Variants in GLE1 observed in about 807,000 individuals in gnomAD.
GLE1 encodes GLE1 RNA export mediator.
Under a neutral mutation model 97.3 loss-of-function variants are expected in GLE1, and 78 were observed. That is an observed-to-expected ratio of 0.80 (90% CI 0.67 to 0.97). GLE1 has a LOEUF of 0.97. GLE1 is among the 50% of genes least tolerant of loss of function. GLE1 has a pLI of 0.00. For synonymous variants in GLE1, 302 were observed against 313.4 expected, an observed-to-expected ratio of 0.96 and a Z score of 0.39; for missense variants, 753 against 857.5, an observed-to-expected ratio of 0.88 and a Z score of 1.52.
In GLE1 at chr9:128,515,519, G is replaced by A; in HGVS notation, c.322-10G>A. On this transcript the variant is annotated splice_polypyrimidine_tract_variant and intron_variant, in intron 2 of 15. Coordinates refer to ENST00000309971, the MANE Select transcript of GLE1 (RefSeq NM_001003722.2). ...TTTTTTAATTATTTTTCCATTTTCT[G>A]CTCATATAGGGCAAAGATGAGTCCC... 2.8e-6 allele frequency: 4 copies of A among 1,433,704 alleles called. No homozygotes were observed. Among genetic ancestry groups the A allele is most frequent in the Non-Finnish European group, 3.9e-6 (4 of 1,015,588 alleles). The allele number at this position is 1,433,704 out of a possible 1,614,324, so 88.8% of individuals were successfully genotyped here.
Position 128,523,759 on chromosome 9 carries a change from C to T in GLE1, c.810C>T (p.Ala270=). 1.2e-6 allele frequency: 2 copies of T among 1,614,066 alleles called. No individual in the cohort carries two copies. Among genetic ancestry groups the T allele is most frequent in the Non-Finnish European group, 1.7e-6 (2 of 1,179,992 alleles). ...TGGATGCCTCTGAGCAGCACAAAGC[C>T]CTGCTTAAGGTCGACCTGGCTGCCT... ...QQLDASEQHK[A]LLKVDLAAFQ... Residue 270 remains alanine, a synonymous_variant, in exon 6 of 16, where the codon GCC becomes GCT. Coordinates refer to ENST00000309971, the MANE Select transcript of GLE1 (RefSeq NM_001003722.2).
At chr9:128,523,065 A>G (rs926864519) in intron 4 of GLE1, among the ~76,000 whole-genome samples, 1 of 152,068 alleles carries the variant, frequency 6.6e-6, no homozygotes, top group African/African-American at 2.4e-5. Context: ...TGTAGTCTCA[A>G]TTACTAGAGA....
intron 7 of GLE1, 105 bp downstream of exon 7, chr9:128,525,528 G>T: frequency 1.3e-6 from 1 of 783,396 alleles, no homozygotes; most frequent in Non-Finnish European, 2.2e-6. Flanking sequence ...CAGTTAACCA[G>T]AATTTTATGT....
chr9:128,508,836 T>C (rs774230809), intron 1 of GLE1, 40 bp from the exon 2 acceptor site: 28 of 1,132,892 alleles, frequency 2.5e-5, no homozygotes, highest in Middle Eastern at 2.0e-4. Context: ...CTGAGAACAG[T>C]TGACGTGTAA....
At chr9:128,534,235 G>A (rs750464519) in intron 11 of GLE1, among the ~76,000 whole-genome samples, 17 of 152,068 alleles carry the variant, frequency 1.1e-4, no homozygotes, top group Non-Finnish European at 1.9e-4. Flanking sequence ...CAGGTGTAAT[G>A]GTGCACACCT....
intron 3 of GLE1, among the ~76,000 whole-genome samples, chr9:128,519,306 G>C (rs567662313): frequency 6.6e-6 from 1 of 152,238 alleles, no homozygotes; most frequent in Non-Finnish European, 1.5e-5. Flanking sequence ...CCGCCGGTGA[G>C]CTGGGCAGAA....
At position 128,523,663 on chromosome 9, in the gene GLE1, GGAA is replaced by G. The variant is rs1847216407; in HGVS notation, c.719_721del (p.Glu240del). 1 of 1,614,164 alleles carries G rather than the reference GGAA, an allele frequency of 6.2e-7. No individual in the cohort carries two copies. Among genetic ancestry groups the G allele is most frequent in the Non-Finnish European group, 8.5e-7 (1 of 1,180,020 alleles). On this transcript the variant is annotated inframe_deletion, in exon 6 of 16. Transcript: ENST00000309971. ...AAGCAGAACAGGAGCGGCTTCGGAA[GGAA>G]GAAGGCCAGATCCGCCTGCGGGCCC... is the stretch of plus-strand genomic sequence containing the variant.
chr9:128,512,139 T>C (rs1403733319), intron 2 of GLE1, among the ~76,000 whole-genome samples: 3 of 152,112 alleles, frequency 2.0e-5, no homozygotes, highest in Non-Finnish European at 4.4e-5. Context: ...TTAACATTCC[T>C]GAATTAGCAG....
intron 9 of GLE1, among the ~76,000 whole-genome samples, chr9:128,527,947 G>A (rs1163881830): frequency 2.0e-5 from 3 of 150,318 alleles, no homozygotes; most frequent in East Asian, 4.0e-4. Flanking sequence ...CTGGGTGACA[G>A]AGCGAGACTC....
chr9:128,513,533 A>G (rs1300549436), intron 2 of GLE1, among the ~76,000 whole-genome samples: 1 of 152,056 alleles, frequency 6.6e-6, no homozygotes, highest in Non-Finnish European at 1.5e-5. Context: ...CCTGCGCAAC[A>G]TGGGGAAACT....
chr9:128,533,848 A>C lies in GLE1; in HGVS notation c.1543A>C (p.Arg515=). ...VASGIWELHP[R]VGDLILAHLH... ...ATCCGGGATCTGGGAGCTCCACCCCAGAGTGGGGGACCTCATTCTTGCTCA... is the reference window on the plus strand; with the variant it reads ...ATCCGGGATCTGGGAGCTCCACCCCCGAGTGGGGGACCTCATTCTTGCTCA... Residue 515 remains arginine, a synonymous_variant, in exon 11 of 16, where the codon AGA becomes CGA. Coordinates refer to ENST00000309971, the MANE Select transcript of GLE1 (RefSeq NM_001003722.2). 1 of 1,612,916 alleles carries C rather than the reference A, an allele frequency of 6.2e-7. No homozygotes were observed. The highest frequency in any genetic ancestry group is 8.5e-7 in the Non-Finnish European group (1 of 1,178,880).
intron 9 of GLE1, among the ~76,000 whole-genome samples, chr9:128,531,113 C>A (rs1279971543): frequency 1.3e-5 from 2 of 149,972 alleles, no homozygotes; most frequent in African/African-American, 4.9e-5. Flanking sequence ...ACTCAGGAGG[C>A]TGAGGCAGGA....
chr9:128,512,010 A>G (rs1449445043), intron 2 of GLE1, among the ~76,000 whole-genome samples: 2 of 152,136 alleles, frequency 1.3e-5, no homozygotes, highest in Non-Finnish European at 2.9e-5. Context: ...GGGTTTCACC[A>G]TGTTGGCCAG....
At chr9:128,529,742 T>G (rs1426436882) in intron 9 of GLE1, among the ~76,000 whole-genome samples, 1 of 151,770 alleles carries the variant, frequency 6.6e-6, no homozygotes, top group Non-Finnish European at 1.5e-5. Flanking sequence ...GGTTTCTTAG[T>G]CTTCTACCCC....
In GLE1 at chr9:128,541,459, CCCTT is replaced by C. The variant is rs1374771094; in HGVS notation, c.*290_*293del. 6.1e-5 allele frequency: 27 copies of C among 441,668 alleles called. No homozygotes were observed. The East Asian group carries it at 1.1e-3, about 18-fold the overall frequency. The allele number at this position is 441,668 out of a possible 1,614,324, so 27.4% of individuals were successfully genotyped here. A position where few individuals can be genotyped will look rare whatever the true frequency, so the allele number is the denominator to read the frequency against. On this transcript the variant is annotated 3_prime_UTR_variant, in exon 16 of 16. Transcript: ENST00000309971. ...AAAGGTCTTTAGCACTTGGTCTCCT[CCCTT>C]GTCTCTAGTGTCTTTCAGAAAGTTG... is the stretch of plus-strand genomic sequence containing the variant.
chr9:128,524,540 CTTTTTTTTTTTT>C (rs71381767), intron 6 of GLE1, among the ~76,000 whole-genome samples: 9 of 39,622 alleles, frequency 2.3e-4, no homozygotes, highest in South Asian at 1.1e-3. Flanking sequence ...CTTTGCTTTG[CTTTTTTTTTTTT>C]TTTTTTTTTT....
chr9:128,507,160 C>T (rs1469338988), intron 1 of GLE1, among the ~76,000 whole-genome samples: 4 of 152,106 alleles, frequency 2.6e-5, no homozygotes, highest in Non-Finnish European at 5.9e-5. Context: ...ATTATTACTA[C>T]TAAGGGTGTA....
intron 15 of GLE1, 114 bp downstream of exon 15, chr9:128,540,452 C>T (rs1847853071): frequency 1.3e-6 from 1 of 748,976 alleles, no homozygotes; most frequent in Non-Finnish European, 2.4e-6. Flanking sequence ...CTTAGTTCTT[C>T]CAAACCCTTC....
intron 3 of GLE1, among the ~76,000 whole-genome samples, chr9:128,516,943 A>T (rs1466051936): frequency 3.3e-5 from 5 of 151,796 alleles, no homozygotes; most frequent in Non-Finnish European, 7.4e-5. Context: ...TTTTTTAATT[A>T]GGAAAGCAAT....
Sources: gnomAD v4.1 joint callset for allele counts (sites outside exome capture counted in the v4.1 genomes callset) on GRCh38, gnomAD v4.1.1 for gene constraint, MANE v1.5 for transcripts, NCBI Gene and HGNC (gene_info 2026-07-23, HGNC 2026-07-21) for gene names.